The following OTUD7B variants were observed in gnomAD, a reference collection of about 807,000 sequenced individuals.
OTUD7B encodes OTU domain-containing protein 7B.
In OTUD7B, 34 loss-of-function variants were observed where a neutral mutation model predicts 82.2. The observed-to-expected ratio is 0.41, with a 90% CI of 0.31 to 0.55. OTUD7B has a LOEUF of 0.55. Among genes scored for constraint, OTUD7B ranks in the 20% least tolerant of loss-of-function variants. The pLI is 0.20. For missense variants in OTUD7B, 944 were observed against 1,062.1 expected (o/e 0.89, Z 1.55); for synonymous variants, 398 against 402.7 (o/e 0.99, Z 0.14).
chr1:150,064,191 C>T, the OTUD7B span, among the ~76,000 whole-genome samples: 1 of 152,088 alleles, frequency 6.6e-6, no homozygotes, highest in Non-Finnish European at 1.5e-5. Flanking sequence ...GTGTAAAATA[C>T]TTTTTTGCAC....
intron 1 of OTUD7B, among the ~76,000 whole-genome samples, chr1:149,981,225 GCAT>G (rs1172693051): frequency 6.6e-6 from 1 of 151,950 alleles, no homozygotes; most frequent in African/African-American, 2.4e-5. Context: ...CTCTCACCTG[GCAT>G]CATCTTCCAA....
At chr1:149,994,584 CAAAAAAAAAAA>C (rs796210721) in intron 1 of OTUD7B, among the ~76,000 whole-genome samples, 2 of 41,070 alleles carry the variant, frequency 4.9e-5, no homozygotes, top group South Asian at 2.2e-3. Context: ...GACTCCATCT[CAAAAAAAAAAA>C]AAAAAAAAAA....
chr1:150,033,936 G>A, the OTUD7B span, among the ~76,000 whole-genome samples: 1 of 152,162 alleles, frequency 6.6e-6, no homozygotes, highest in African/African-American at 2.4e-5. Context: ...TGGCCAGGAT[G>A]GACTCAATCT....
Position 149,950,206 on chromosome 1 carries a change from C to T in OTUD7B, c.861G>A (p.Glu287=), listed in dbSNP as rs1648082080. The part of the protein sequence containing the change: ...GANCGGVESS[E]EPVYESLEEF... ...CTTCAAGGCTCTCATATACAGGCTC[C>T]TCAGAACTCTCCACCCTGGAACGAC... The change falls in exon 8 of 12, where the codon GAG becomes GAA. Residue 287 remains glutamate (E), a synonymous_variant. Transcript: ENST00000581312. 1 of 1,614,090 alleles carries T rather than the reference C, an allele frequency of 6.2e-7. No homozygotes were observed. Among genetic ancestry groups the T allele is most frequent in the East Asian group, 2.2e-5 (1 of 44,868 alleles).
chr1:149,989,193 C>A (rs587595643), intron 1 of OTUD7B, among the ~76,000 whole-genome samples: 1 of 152,174 alleles, frequency 6.6e-6, no homozygotes, highest in South Asian at 2.1e-4. Context: ...TCAAAACAGG[C>A]CGGGCGTGGT....
chr1:150,038,024 T>C, the OTUD7B span, among the ~76,000 whole-genome samples: 12 of 151,646 alleles, frequency 7.9e-5, no homozygotes, highest in Non-Finnish European at 1.3e-4. Context: ...CACACCCTAA[T>C]TTTTGTATTT....
chr1:149,977,389 A>T, intron 2 of OTUD7B, 37 bp downstream of exon 2: 1 of 1,419,802 alleles, frequency 7.0e-7, no homozygotes, highest in Non-Finnish European at 1.0e-6. Flanking sequence ...ACCACATTTT[A>T]CTTTCTCTTT....
the OTUD7B span, among the ~76,000 whole-genome samples, chr1:150,052,967 G>A: frequency 1.3e-5 from 2 of 152,120 alleles, no homozygotes; most frequent in South Asian, 2.1e-4. Context: ...CATGGTGCTG[G>A]GATAACTGGC....
rs1330444468 is a variant in OTUD7B, at chr1:149,949,489, C to T, written c.1123+140G>A. The T allele has an allele frequency of 5.9e-6, 5 of 852,304 alleles. No individual in the cohort carries two copies. The South Asian group carries it at 6.3e-5, about 11-fold the overall frequency. 52.8% of individuals were successfully genotyped at this position (852,304 alleles called of 1,614,324 possible). A position where few individuals can be genotyped will look rare whatever the true frequency, so the allele number is the denominator to read the frequency against. ...TTTTTTTTTAATTTGAAAACTCTGG[C>T]GTAACTTCTGGCTTAATAAAACAGT... On this transcript the variant is annotated intron_variant, in intron 9 of 11. Transcript: ENST00000581312.
chr1:150,015,303 T>TTTTG (rs1653233988), upstream of OTUD7B, among the ~76,000 whole-genome samples: 1 of 143,776 alleles, frequency 7.0e-6, no homozygotes, highest in African/African-American at 2.7e-5. Context: ...TTTTTTTTTG[T>TTTTG]TTTTTTTTGA....
chr1:149,958,023 C>T (rs962362348), intron 7 of OTUD7B, among the ~76,000 whole-genome samples: 28 of 152,184 alleles, frequency 1.8e-4, no homozygotes, highest in Non-Finnish European at 2.5e-4. Flanking sequence ...GCTCACGCTC[C>T]GTGGGCTATA....
At chr1:149,996,255 A>C (rs1464437981) in intron 1 of OTUD7B, among the ~76,000 whole-genome samples, 21 of 152,232 alleles carry the variant, frequency 1.4e-4, no homozygotes, top group Non-Finnish European at 5.9e-5. Context: ...ACCCAGGTAC[A>C]AGTGAGTGGA....
At chr1:149,952,091 G>A (rs1230610742) in intron 7 of OTUD7B, among the ~76,000 whole-genome samples, 2 of 151,904 alleles carry the variant, frequency 1.3e-5, no homozygotes, top group Non-Finnish European at 2.9e-5. Flanking sequence ...GGGTACATGT[G>A]CACAATGTGC....
chr1:149,946,477 C>T (rs1553772132), intron 11 of OTUD7B, among the ~76,000 whole-genome samples: 1 of 152,076 alleles, frequency 6.6e-6, no homozygotes, highest in Admixed American at 6.6e-5. Context: ...TGTGGTGGCT[C>T]ATGCCTGTAA....
chr1:149,965,955 C>CA, intron 4 of OTUD7B, 77 bp from the exon 5 acceptor site: 1 of 1,191,364 alleles, frequency 8.4e-7, no homozygotes, highest in Non-Finnish European at 1.2e-6. Flanking sequence ...AAACAGACTC[C>CA]AAAGCAGCCT....
intron 7 of OTUD7B, among the ~76,000 whole-genome samples, chr1:149,956,723 T>G (rs1218480400): frequency 2.6e-5 from 4 of 152,202 alleles, no homozygotes; most frequent in African/African-American, 9.7e-5. Context: ...CTTTGAGGAT[T>G]TGTTTGTTTC....
chr1:149,982,110 C>T (rs1216690440), intron 1 of OTUD7B, among the ~76,000 whole-genome samples: 3 of 152,078 alleles, frequency 2.0e-5, no homozygotes, highest in Admixed American at 6.6e-5. Context: ...GATCGCGCCA[C>T]TGCACTCCAG....
At chr1:149,971,372 C>T (rs1553777657) in intron 2 of OTUD7B, 121 bp from the exon 3 acceptor site, 5 of 528,682 alleles carry the variant, frequency 9.5e-6, no homozygotes. Flanking sequence ...TTCTTCTTTT[C>T]CTTACCCTGC....
At chr1:149,949,602 C>T (rs782109254) in intron 9 of OTUD7B, 27 bp downstream of exon 9, 1 of 1,603,032 alleles carries the variant, frequency 6.2e-7, no homozygotes, top group East Asian at 2.2e-5. Flanking sequence ...GAAAATAATG[C>T]AGACCAAAAG....
Sources: allele counts gnomAD v4.1 joint callset (sites outside exome capture counted in the v4.1 genomes callset), GRCh38; gene constraint gnomAD v4.1.1; transcripts MANE v1.5; gene names NCBI Gene and HGNC (gene_info 2026-07-23, HGNC 2026-07-21).